Variants in ASB3 observed in about 807,000 individuals in gnomAD.
ASB3 encodes the protein ankyrin repeat and SOCS box containing 3, also known as ankyrin repeat and SOCS box protein 3.
A neutral mutation model predicts 54.5 loss-of-function variants in ASB3; 41 were observed. The ratio of observed to expected loss-of-function variants is 0.75; its 90% CI spans 0.59 to 0.98. ASB3 has a LOEUF of 0.98. Among genes scored for constraint, ASB3 ranks in the 50% least tolerant of loss-of-function variants. The pLI, the probability that ASB3 is intolerant of heterozygous loss-of-function variation, is 0.00. For synonymous variants in ASB3, 266 were observed against 221.2 expected (o/e 1.20, Z -1.80); for missense variants, 733 against 620.0 (o/e 1.18, Z -1.94).
intron 1 of ASB3, chr2:53,786,422 C>T (rs1675005412): frequency 6.6e-6 from 1 of 152,178 alleles, no homozygotes; most frequent in Non-Finnish European, 1.5e-5. Flanking sequence ...TATTCACCTA[C>T]GGGGAGATGG....
At chr2:53,679,782 T>G (rs1339737160) in intron 9 of ASB3, among the ~76,000 whole-genome samples, 1 of 152,174 alleles carries the variant, frequency 6.6e-6, no homozygotes, top group Non-Finnish European at 1.5e-5. Context: ...GGTACATGTG[T>G]AAGTTCATTA....
chr2:53,782,289 C>T (rs1674693052), intron 1 of ASB3, among the ~76,000 whole-genome samples: 1 of 152,192 alleles, frequency 6.6e-6, no homozygotes, highest in Admixed American at 6.5e-5. Context: ...TGCACTCATT[C>T]ATTCTGGAAG....
Position 53,715,678 on chromosome 2 carries a change from T to C in ASB3, c.782+888A>G, listed in dbSNP as rs1047744545. Among the ~76,000 whole-genome samples, 3 of 152,306 alleles carry C rather than the reference T, an allele frequency of 2.0e-5. 1 individual carries two copies. The South Asian group carries it at 6.2e-4, about 32-fold the overall frequency. The stretch of plus-strand genomic sequence containing the variant: ...GTCTCTTAACTTTAATAAATGTGTT[T>C]AATTTTTTTAAGTAGGTGGGAAAAA... On this transcript the variant is annotated intron_variant, in intron 6 of 9. Coordinates refer to ENST00000263634, the MANE Select transcript of ASB3 (RefSeq NM_016115.5).
intron 5 of ASB3, among the ~76,000 whole-genome samples, chr2:53,726,656 A>G (rs1190214738): frequency 2.6e-5 from 4 of 151,480 alleles, no homozygotes; most frequent in Non-Finnish European, 5.9e-5. Flanking sequence ...ACACATATAT[A>G]TACACACACA....
chr2:53,678,619 T>G (rs1668208347), intron 9 of ASB3, among the ~76,000 whole-genome samples: 1 of 152,080 alleles, frequency 6.6e-6, no homozygotes, highest in Non-Finnish European at 1.5e-5. Flanking sequence ...GCACCCGACT[T>G]TGGGAAATCC....
Position 53,723,397 on chromosome 2 carries a change from T to C in ASB3, c.604+5315A>G, listed in dbSNP as rs148286103. Among the ~76,000 whole-genome samples, 271 of 152,240 alleles carry C rather than the reference T, an allele frequency of 1.8e-3. 1 individual carries two copies. Among genetic ancestry groups the C allele is most frequent in the African/African-American group, 6.1e-3 (254 of 41,548 alleles). Reference sequence around the variant, plus strand: ...TGTTTGGTTACATGAGAAAGTTCTTTAGTGGTGATTTGTGAGATTCTGGTG... The same window carrying C: ...TGTTTGGTTACATGAGAAAGTTCTTCAGTGGTGATTTGTGAGATTCTGGTG... On this transcript the variant is annotated intron_variant, in intron 5 of 9. Transcript: ENST00000263634.
intron 8 of ASB3, among the ~76,000 whole-genome samples, chr2:53,695,610 A>G (rs1483469133): frequency 1.3e-5 from 2 of 152,086 alleles, no homozygotes; most frequent in Non-Finnish European, 2.9e-5. Context: ...CTGTTTGCAC[A>G]GTTTAGTTAA....
chr2:53,770,461 A>G (rs1378349955), intron 1 of ASB3, among the ~76,000 whole-genome samples: 1 of 150,172 alleles, frequency 6.7e-6, no homozygotes, highest in Non-Finnish European at 1.5e-5. Flanking sequence ...GTATCAGTAC[A>G]CATACAGCCT....
chr2:53,698,228 T>C (rs534616426), intron 8 of ASB3, among the ~76,000 whole-genome samples: 86 of 152,142 alleles, frequency 5.7e-4, no homozygotes, highest in Non-Finnish European at 9.6e-4. Context: ...TCTGACCTCC[T>C]AGAGCCCTGG....
At chr2:53,753,246 A>G (rs1281779075) in intron 2 of ASB3, among the ~76,000 whole-genome samples, 1 of 152,260 alleles carries the variant, frequency 6.6e-6, no homozygotes, top group Admixed American at 6.5e-5. Flanking sequence ...AGAACTGCAC[A>G]TAAACACTAT....
chr2:53,759,223 A>G (rs193005892), intron 2 of ASB3, among the ~76,000 whole-genome samples: 49 of 152,312 alleles, frequency 3.2e-4, no homozygotes, highest in Non-Finnish European at 1.5e-5. Flanking sequence ...GAACATGGAG[A>G]TTGGTGCCGC....
At position 53,765,408 on chromosome 2, in the gene ASB3, A is replaced by C; in HGVS notation, c.165T>G (p.Ser55=). The C allele has an allele frequency of 6.2e-7, 1 of 1,614,252 alleles. No individual in the cohort carries two copies. The highest frequency in any genetic ancestry group is 8.5e-7 in the Non-Finnish European group (1 of 1,180,036). ...MPIHEAAYHN[S]VECLQMLINA... Reference sequence around the variant, plus strand: ...TAATTAACATTTGCAAACATTCTACAGAGTTGTGATAAGCTGCTTCATGAA... The same window carrying C: ...TAATTAACATTTGCAAACATTCTACCGAGTTGTGATAAGCTGCTTCATGAA... The change falls in exon 2 of 10, where the codon TCT becomes TCG. Residue 55 remains serine, a synonymous_variant. Transcript: ENST00000263634.
chr2:53,715,281 C>T (rs1008740891), intron 6 of ASB3, among the ~76,000 whole-genome samples: 1 of 152,144 alleles, frequency 6.6e-6, no homozygotes, highest in African/African-American at 2.4e-5. Context: ...TTCTACCCTT[C>T]TAAAATTAAA....
At chr2:53,716,420 G>T in intron 6 of ASB3, 146 bp downstream of exon 6, 2 of 985,886 alleles carry the variant, frequency 2.0e-6, no homozygotes, top group Non-Finnish European at 2.9e-6. Context: ...ATGAAGGACA[G>T]ATTAGGGGTA....
chr2:53,775,839 T>C (rs1284762716), intron 1 of ASB3, among the ~76,000 whole-genome samples: 2 of 152,224 alleles, frequency 1.3e-5, no homozygotes, highest in African/African-American at 4.8e-5. Flanking sequence ...GCATAGATTG[T>C]ATTTTTTTAA....
rs530810363 is a variant in ASB3, at chr2:53,759,092, G to C, written c.196+6285C>G. 6.6e-5 allele frequency among the ~76,000 whole-genome samples: 10 copies of C among 152,282 alleles called. No individual in the cohort carries two copies. In the South Asian group the frequency reaches 2.1e-3, roughly 32 times the overall value. On this transcript the variant is annotated intron_variant, in intron 2 of 9. Coordinates refer to ENST00000263634, the MANE Select transcript of ASB3 (RefSeq NM_016115.5). The stretch of plus-strand genomic sequence containing the variant: ...GTGCCACCATAACTGCAGCCAGAGA[G>C]TTTGGCAATCTCTGGTATCTCAGTC...
At chr2:53,706,869 A>G (rs1314120697) in intron 7 of ASB3, among the ~76,000 whole-genome samples, 1 of 152,248 alleles carries the variant, frequency 6.6e-6, no homozygotes, top group Non-Finnish European at 1.5e-5. Context: ...CATTCTCACA[A>G]TCTGGTAAAC....
intron 5 of ASB3, among the ~76,000 whole-genome samples, chr2:53,726,362 G>A (rs1176491780): frequency 6.6e-6 from 1 of 150,428 alleles, no homozygotes; most frequent in East Asian, 2.0e-4. Context: ...CTGGGTTTAA[G>A]CAATTCTCCT....
At chr2:53,698,998 T>C (rs1313724376) in intron 8 of ASB3, among the ~76,000 whole-genome samples, 1 of 152,236 alleles carries the variant, frequency 6.6e-6, no homozygotes, top group Non-Finnish European at 1.5e-5. Context: ...CCATTCTCTG[T>C]TGCTATAACT....
Sources: gnomAD v4.1 joint callset for allele counts (sites outside exome capture counted in the v4.1 genomes callset) on GRCh38, gnomAD v4.1.1 for gene constraint, MANE v1.5 for transcripts, NCBI Gene and HGNC (gene_info 2026-07-23, HGNC 2026-07-21) for gene names.